Variants in ZNF609 observed in about 807,000 individuals in gnomAD.
The protein encoded by ZNF609 is zinc finger protein 609.
Under a neutral mutation model 109.5 loss-of-function variants are expected in ZNF609, and 11 were observed. The observed-to-expected ratio is 0.10, with a 90% CI of 0.06 to 0.17. The LOEUF (loss-of-function observed/expected upper bound fraction) is 0.17, where lower values mean the gene tolerates loss of function less well. Among genes scored for constraint, ZNF609 ranks in the 10% least tolerant of loss-of-function variants. The pLI, the probability that ZNF609 is intolerant of heterozygous loss-of-function variation, is 1.00. For missense variants in ZNF609, 1,559 were observed against 1,772.4 expected (o/e 0.88, Z 2.16); for synonymous variants, 646 against 662.0 (o/e 0.98, Z 0.37).
intron 2 of ZNF609, among the ~76,000 whole-genome samples, chr15:64,546,289 C>T (rs1894358798): frequency 6.6e-6 from 1 of 152,134 alleles, no homozygotes; most frequent in South Asian, 2.1e-4. Context: ...GTGTTGCCCA[C>T]ATGGGAATGC....
In ZNF609 at chr15:64,674,065, G is replaced by C. The variant is rs1175076920; in HGVS notation, c.1211G>C (p.Gly404Ala). ...AGTAACAGCAGCAAAACCCGGGCAG[G>C]AGCCAATAGCAAAGGCCGTCGGGGC... ...GTSNSSKTRA[G>A]ANSKGRRGSQ... Residue 404 changes from glycine (G) to alanine (A), a missense_variant, in exon 5 of 10, where the codon GGA (glycine) becomes GCA (alanine). Gly to Ala is a moderately conservative substitution (Grantham distance 60). Around this residue, in one of 4 missense-constraint regions of ZNF609, gnomAD observed 1,204 missense variants for 1,314.1 expected, o/e 0.92. Coordinates refer to ENST00000326648, the MANE Select transcript of ZNF609 (RefSeq NM_015042.2). 2 of 1,614,054 alleles carry C rather than the reference G, an allele frequency of 1.2e-6. No homozygotes were observed. The highest frequency in any genetic ancestry group is 2.7e-5 in the African/African-American group (2 of 74,910).
At chr15:64,465,018 T>A (rs1768234787) in intron 1 of ZNF609, among the ~76,000 whole-genome samples, 1 of 152,164 alleles carries the variant, frequency 6.6e-6, no homozygotes, top group African/African-American at 2.4e-5. Context: ...CTGTGGTTTT[T>A]TAGATCACTC....
At chr15:64,514,364 A>G (rs1893777316) in intron 2 of ZNF609, among the ~76,000 whole-genome samples, 1 of 152,232 alleles carries the variant, frequency 6.6e-6, no homozygotes, top group African/African-American at 2.4e-5. Flanking sequence ...AGCTTAATGT[A>G]ATGATTATTG....
intron 2 of ZNF609, among the ~76,000 whole-genome samples, chr15:64,543,088 A>G (rs1384499147): frequency 6.6e-6 from 1 of 152,200 alleles, no homozygotes; most frequent in Non-Finnish European, 1.5e-5. Context: ...GCAGCAAACC[A>G]CCGTGGGACG....
At chr15:64,566,238 G>A (rs1196105508) in intron 2 of ZNF609, among the ~76,000 whole-genome samples, 24 of 152,204 alleles carry the variant, frequency 1.6e-4, no homozygotes, top group Admixed American at 1.3e-3. Context: ...ACTGAGGCAG[G>A]AGGATTGCTT....
At chr15:64,615,512 G>A (rs1895785833) in intron 2 of ZNF609, among the ~76,000 whole-genome samples, 1 of 147,988 alleles carries the variant, frequency 6.8e-6, no homozygotes, top group African/African-American at 2.5e-5. Flanking sequence ...TTGAGATGGA[G>A]ATTCACTCTT....
At chr15:64,475,691 C>G (rs1445430425) in intron 1 of ZNF609, among the ~76,000 whole-genome samples, 1 of 152,058 alleles carries the variant, frequency 6.6e-6, no homozygotes, top group Non-Finnish European at 1.5e-5. Flanking sequence ...GCGCCCAGCC[C>G]GCATGTTGTC....
At chr15:64,474,359 G>T (rs57775452) in intron 1 of ZNF609, among the ~76,000 whole-genome samples, 7,024 of 151,646 alleles carry the variant, frequency 0.046, 539 homozygotes, top group African/African-American at 0.16. Context: ...GATTACAGGC[G>T]TACGCCACCA....
intron 1 of ZNF609, among the ~76,000 whole-genome samples, chr15:64,493,310 T>G (rs958063998): frequency 6.6e-6 from 1 of 152,142 alleles, no homozygotes; most frequent in African/African-American, 2.4e-5. Flanking sequence ...TTCTTACCCT[T>G]GTCGAAGGAG....
chr15:64,659,714 G>C (rs1896546008), intron 3 of ZNF609, among the ~76,000 whole-genome samples: 1 of 152,058 alleles, frequency 6.6e-6, no homozygotes, highest in Non-Finnish European at 1.5e-5. Context: ...ATGACCCTGA[G>C]TCATCAAGAA....
intron 7 of ZNF609, 85 bp from the exon 8 acceptor site, chr15:64,680,561 T>TTGTGTGTGTGTGTGTGTG (rs147044397): frequency 1.1e-6 from 1 of 888,820 alleles, no homozygotes; most frequent in African/African-American, 1.7e-5. Flanking sequence ...GGCATCTCAC[T>TTGTGTGTGTGTGTGTGTG]TGTGTGTGTG....
chr15:64,631,682 G>A (rs980459823), intron 3 of ZNF609, among the ~76,000 whole-genome samples: 1 of 151,068 alleles, frequency 6.6e-6, no homozygotes, highest in African/African-American at 2.4e-5. Context: ...ATAGGCATTC[G>A]CCACCATGCC....
At chr15:64,660,819 G>A (rs1434945198) in intron 3 of ZNF609, among the ~76,000 whole-genome samples, 1 of 152,050 alleles carries the variant, frequency 6.6e-6, no homozygotes, top group Non-Finnish European at 1.5e-5. Context: ...CCTCTTACAG[G>A]TTTCTCTGCT....
chr15:64,673,894 G>T (rs1567044573), intron 4 of ZNF609, 22 bp from the exon 5 acceptor site: 12 of 1,595,344 alleles, frequency 7.5e-6, no homozygotes, highest in Non-Finnish European at 1.0e-5. Context: ...ATAATATTCT[G>T]TTGTGTTTAT....
In ZNF609 at chr15:64,576,722, C is replaced by T. The variant is rs117249675; in HGVS notation, c.748-46105C>T. On this transcript the variant is annotated intron_variant, in intron 2 of 9. Transcript: ENST00000326648. Reference sequence around the variant, plus strand: ...GGGAGACTGAAGCGAATGGATCACTCGAGGTCAGGAGTTCGAGACCAGCCT... The same window carrying T: ...GGGAGACTGAAGCGAATGGATCACTTGAGGTCAGGAGTTCGAGACCAGCCT... 6.1e-3 allele frequency among the ~76,000 whole-genome samples: 905 copies of T among 148,852 alleles called. 3 individuals carry two copies. The highest frequency in any genetic ancestry group is 9.8e-3 in the Non-Finnish European group (661 of 67,630).
chr15:64,534,497 T>A (rs1001033697), intron 2 of ZNF609, among the ~76,000 whole-genome samples: 2 of 151,872 alleles, frequency 1.3e-5, no homozygotes, highest in African/African-American at 4.8e-5. Flanking sequence ...GTATTTTTAG[T>A]AAAGATGGGG....
intron 2 of ZNF609, among the ~76,000 whole-genome samples, chr15:64,622,371 T>G (rs183302205): frequency 6.6e-6 from 1 of 152,326 alleles, no homozygotes; most frequent in East Asian, 1.9e-4. Flanking sequence ...GCCAGACTAA[T>G]GTACTGTTTG....
At chr15:64,535,542 G>GT (rs1233204787) in intron 2 of ZNF609, among the ~76,000 whole-genome samples, 1 of 152,036 alleles carries the variant, frequency 6.6e-6, no homozygotes, top group African/African-American at 2.4e-5. Context: ...GAGCTGGGCT[G>GT]TTTCTAGTTT....
intron 2 of ZNF609, among the ~76,000 whole-genome samples, chr15:64,614,863 G>C (rs1895775033): frequency 8.1e-6 from 1 of 123,006 alleles, no homozygotes; most frequent in Admixed American, 1.1e-4. Context: ...CTGTCACCCA[G>C]GTTGGAGTGC....
Sources: allele counts gnomAD v4.1 joint callset (sites outside exome capture counted in the v4.1 genomes callset), GRCh38; gene constraint gnomAD v4.1.1; regional missense constraint gnomAD v4.1.1; transcripts MANE v1.5; gene names NCBI Gene and HGNC (gene_info 2026-07-23, HGNC 2026-07-21).